Variants in TBX3 observed in about 807,000 individuals in gnomAD.
TBX3 encodes the protein T-box transcription factor 3.
TBX3 carries 11 observed loss-of-function variants against 47.8 expected under a neutral mutation model. That is an observed-to-expected ratio of 0.23 (90% CI 0.14 to 0.38). The LOEUF (loss-of-function observed/expected upper bound fraction) is 0.38, where lower values mean the gene tolerates loss of function less well. Among genes scored for constraint, TBX3 ranks in the 10% least tolerant of loss-of-function variants. The pLI is 1.00. For missense variants in TBX3, 927 were observed against 1,022.8 expected, an observed-to-expected ratio of 0.91 and a Z score of 1.28; for synonymous variants, 500 against 449.3, an observed-to-expected ratio of 1.11 and a Z score of -1.43.
chr12:114,679,064 TA>T (rs1334688343), intron 3 of TBX3, among the ~76,000 whole-genome samples: 3 of 152,160 alleles, frequency 2.0e-5, no homozygotes, highest in Admixed American at 1.3e-4. Context: ...GATTTCTGGC[TA>T]GGGGAGAAAA....
chr12:114,681,254 T>G (rs1342261966), intron 1 of TBX3, 108 bp from the exon 2 acceptor site: 1 of 1,444,286 alleles, frequency 6.9e-7, no homozygotes, highest in African/African-American at 1.4e-5. Context: ...AGACTTTATA[T>G]TGTGACTGAT....
At position 114,680,170 on chromosome 12, in the gene TBX3, C is replaced by G. The variant is rs544623021; in HGVS notation, c.658-519G>C. 8.0e-6 allele frequency: 5 copies of G among 621,508 alleles called. No homozygotes were observed. The East Asian group carries it at 1.1e-4, about 14-fold the overall frequency. The allele number at this position is 621,508 out of a possible 1,614,324, so 38.5% of individuals were successfully genotyped here. A position where few individuals can be genotyped will look rare whatever the true frequency, so the allele number is the denominator to read the frequency against. ...GATATTTCCGCGCCATTCGCGTCTTCCTGGGCCTAATCTTTCTGCTTACTC... is the reference window on the plus strand; with the variant it reads ...GATATTTCCGCGCCATTCGCGTCTTGCTGGGCCTAATCTTTCTGCTTACTC... On this transcript the variant is annotated intron_variant, in intron 2 of 6. Transcript: ENST00000349155.
chr12:114,670,614 G>A lies in TBX3; in HGVS notation c.*1227C>T, dbSNP rs2121370322. 4.5e-6 allele frequency: 1 copy of A among 220,622 alleles called. No individual in the cohort carries two copies. Among genetic ancestry groups the A allele is most frequent in the South Asian group, 1.9e-4 (1 of 5,382 alleles). The allele number at this position is 220,622 out of a possible 1,614,324, so 13.7% of individuals were successfully genotyped here. On this transcript the variant is annotated 3_prime_UTR_variant, in exon 7 of 7. Transcript: ENST00000349155. The stretch of plus-strand genomic sequence containing the variant: ...GGAATTTGAAGTGGAGCTGGAAAGT[G>A]GCACTCCTTCCCCAATTTTGGTGAA...
At position 114,682,984 on chromosome 12, in the gene TBX3, C is replaced by T. The variant is rs1266535166; in HGVS notation, c.217G>A (p.Glu73Lys). 3 of 1,613,980 alleles carry T rather than the reference C, an allele frequency of 1.9e-6. No individual in the cohort carries two copies. Among genetic ancestry groups the T allele is most frequent in the East Asian group, 2.2e-5 (1 of 44,876 alleles). ...AGGGAGGAGAACGGGATGCCGGTCT[C>T]GGCCGCCCCCACCAATTGATCCATG... ...PIMDQLVGAA[E>K]TGIPFSSLGP... The change falls in exon 1 of 7, where the codon GAG becomes AAG. Residue 73 changes from glutamate to lysine, a missense_variant. Glu to Lys is a moderately conservative substitution (Grantham distance 56). Transcript: ENST00000349155.
chr12:114,677,660 T>C lies in TBX3; in HGVS notation c.805-4A>G. ...TGTCTATTTTTAACTGGGTTATCTA[T>C]TGGAAGAGACACAAGCAAGACAGAG... On this transcript the variant is annotated splice_polypyrimidine_tract_variant and splice_region_variant and intron_variant, in intron 3 of 6. Transcript: ENST00000349155. The C allele has an allele frequency of 6.2e-7, 1 of 1,613,880 alleles. No individual in the cohort carries two copies.
At chr12:114,681,223 A>G (rs1868913137) in intron 1 of TBX3, 77 bp from the exon 2 acceptor site, 2 of 1,574,372 alleles carry the variant, frequency 1.3e-6, no homozygotes, top group South Asian at 2.3e-5. Context: ...TATGTATCAC[A>G]TAATATTGAA....
chr12:114,676,372 T>C lies in TBX3; in HGVS notation c.980A>G (p.Asn327Ser). Residue 327 changes from asparagine to serine, a missense_variant, in exon 5 of 7, where the codon AAC (asparagine) becomes AGC (serine). Around this residue, in one of 5 missense-constraint regions of TBX3, gnomAD observed 44 missense variants for 59.3 expected, o/e 0.74. Transcript: ENST00000349155. ...TGGAGAAGAAGCCTGGGCGAAGCAG[T>C]TGAAAGCTGCTTGTTCACTGGAGGA... ...DESSSEQAAF[N>S]CFAQASSPAA... is the part of the protein sequence containing the mutation. 1 of 1,614,228 alleles carries C rather than the reference T, an allele frequency of 6.2e-7. No individual in the cohort carries two copies. Among genetic ancestry groups the C allele is most frequent in the Non-Finnish European group, 8.5e-7 (1 of 1,180,034 alleles).
rs557089969 is a variant in TBX3, at chr12:114,679,529, A to C, written c.780T>G (p.Ala260=). The C allele has an allele frequency of 6.2e-7, 1 of 1,614,264 alleles. No individual in the cohort carries two copies. The highest frequency in any genetic ancestry group is 1.7e-5 in the Admixed American group (1 of 60,036). ...CCTTATCATTCTGGTATGCAGTCAC[A>C]GCGATGAATTCAGTTTCGGGGAACA... The part of the protein sequence containing the change: ...TYLFPETEFI[A]VTAYQNDKIT... Residue 260 remains alanine, a synonymous_variant, in exon 3 of 7, where the codon GCT becomes GCG. Coordinates refer to ENST00000349155, the MANE Select transcript of TBX3 (RefSeq NM_005996.4).
In TBX3 at chr12:114,670,768, G is replaced by A. The variant is rs1187362849; in HGVS notation, c.*1073C>T. On this transcript the variant is annotated 3_prime_UTR_variant, in exon 7 of 7. Coordinates refer to ENST00000349155, the MANE Select transcript of TBX3 (RefSeq NM_005996.4). Reference sequence around the variant, plus strand: ...GTTTTCTAGTGTTAACAGCAATTCTGTGACCTGGAAATAAACCCAACTAAA... The same window carrying A: ...GTTTTCTAGTGTTAACAGCAATTCTATGACCTGGAAATAAACCCAACTAAA... 1.4e-5 allele frequency: 3 copies of A among 213,446 alleles called. No individual in the cohort carries two copies. The East Asian group carries it at 2.1e-4, about 15-fold the overall frequency. 13.2% of individuals were successfully genotyped at this position (213,446 alleles called of 1,614,324 possible).
Position 114,679,813 on chromosome 12 carries a change from G to A in TBX3, c.658-162C>T, listed in dbSNP as rs994003995. On this transcript the variant is annotated intron_variant, in intron 2 of 6. Transcript: ENST00000349155. Reference sequence around the variant, plus strand: ...CCCCCTGGGTACGTTTCGCTCCACAGATGTTATCTTCTGGAGAATCCAAAT... The same window carrying A: ...CCCCCTGGGTACGTTTCGCTCCACAAATGTTATCTTCTGGAGAATCCAAAT... 1.9e-6 allele frequency: 3 copies of A among 1,538,906 alleles called. No individual in the cohort carries two copies. The African/African-American group carries it at 4.1e-5, about 21-fold the overall frequency.
Position 114,683,406 on chromosome 12 carries a change from A to G in TBX3, c.-206T>C. ...GGGGAAGTGTCTTTTGGAGAATGGG[A>G]GGCCGCTTTTAAAGAGGGCAAGGCG... On this transcript the variant is annotated 5_prime_UTR_variant, in exon 1 of 7. Coordinates refer to ENST00000349155, the MANE Select transcript of TBX3 (RefSeq NM_005996.4). This position sits in a 1 kb window ranked among gnomAD's most constrained non-coding sequence, Gnocchi z 7.7. 1 of 682,970 alleles carries G rather than the reference A, an allele frequency of 1.5e-6. No homozygotes were observed. Among genetic ancestry groups the G allele is most frequent in the African/African-American group, 1.8e-5 (1 of 55,328 alleles). 42.3% of individuals were successfully genotyped at this position (682,970 alleles called of 1,614,324 possible). A position where few individuals can be genotyped will look rare whatever the true frequency, so the allele number is the denominator to read the frequency against.
intron 3 of TBX3, among the ~76,000 whole-genome samples, chr12:114,679,038 C>T (rs1051615600): frequency 5.9e-5 from 9 of 152,116 alleles, no homozygotes; most frequent in African/African-American, 1.4e-4. Flanking sequence ...TAATAAAAAC[C>T]AGACCAGCTA....
Position 114,683,364 on chromosome 12 carries a change from G to A in TBX3, c.-164C>T, listed in dbSNP as rs1006696432. ...AAAGGAGGCAGAAATCACAACTAAT[G>A]CACTTCAAAGGGAGGAGGGGAAGTG... is the stretch of plus-strand genomic sequence containing the variant. On this transcript the variant is annotated 5_prime_UTR_variant, in exon 1 of 7. Coordinates refer to ENST00000349155, the MANE Select transcript of TBX3 (RefSeq NM_005996.4). This position sits in a 1 kb window ranked among gnomAD's most constrained non-coding sequence, Gnocchi z 7.7. 34 of 909,090 alleles carry A rather than the reference G, an allele frequency of 3.7e-5. No individual in the cohort carries two copies. The African/African-American group carries it at 5.5e-4, about 15-fold the overall frequency. The allele number at this position is 909,090 out of a possible 1,614,324, so 56.3% of individuals were successfully genotyped here.
chr12:114,676,600 A>C, intron 4 of TBX3, 130 bp from the exon 5 acceptor site: 1 of 1,260,358 alleles, frequency 7.9e-7, no homozygotes, highest in Non-Finnish European at 1.1e-6. Context: ...ACGCTAATTC[A>C]CTGAAATCTG....
In TBX3 at chr12:114,673,105, G is replaced by C. The variant is rs114888393; in HGVS notation, c.1711-803C>G. Among the ~76,000 whole-genome samples the C allele has an allele frequency of 6.1e-3, 925 of 152,336 alleles. 8 individuals are homozygous for C. Among genetic ancestry groups the C allele is most frequent in the African/African-American group, 0.021 (870 of 41,566 alleles). ...CATCATGCCTTGAGGTGCCCTTAAG[G>C]TTTTGTCTGTTCAGGTAGTCCTTGG... On this transcript the variant is annotated intron_variant, in intron 6 of 6. Coordinates refer to ENST00000349155, the MANE Select transcript of TBX3 (RefSeq NM_005996.4).
chr12:114,682,098 G>A (rs545076), intron 1 of TBX3, among the ~76,000 whole-genome samples: 73,271 of 151,944 alleles, frequency 0.48, 17,820 homozygotes, highest in Middle Eastern at 0.59. Context: ...GCAGGTTTTG[G>A]TCAGGCAAGG....
At chr12:114,679,984 G>T in intron 2 of TBX3, 1 of 1,614,018 alleles carries the variant, frequency 6.2e-7, no homozygotes. Context: ...TTAAAAGATA[G>T]AGAAAAACAT....
At position 114,671,564 on chromosome 12, in the gene TBX3, T is replaced by A; in HGVS notation, c.*277A>T. 1.8e-6 allele frequency: 1 copy of A among 544,392 alleles called. No homozygotes were observed. The highest frequency in any genetic ancestry group is 3.3e-6 in the Non-Finnish European group (1 of 302,964). The allele number at this position is 544,392 out of a possible 1,614,324, so 33.7% of individuals were successfully genotyped here. A position where few individuals can be genotyped will look rare whatever the true frequency, so the allele number is the denominator to read the frequency against. ...CCAGACCAGCCTTGCTGGAAGTTGC[T>A]CTGGACATAAATGTTGGAACTCCTA... On this transcript the variant is annotated 3_prime_UTR_variant, in exon 7 of 7. Transcript: ENST00000349155.
chr12:114,682,789 GGGA>G lies in TBX3; in HGVS notation c.389+20_389+22del, dbSNP rs777968393. The G allele has an allele frequency of 2.7e-5, 43 of 1,613,990 alleles. No individual in the cohort carries two copies. The highest frequency in any genetic ancestry group is 3.1e-5 in the Non-Finnish European group (37 of 1,180,026). ...AGGAAAAAACTCTCCAACAGCTTAGGGGAGGAGGCCCCCACTGCTTACCTTCCC... is the reference window on the plus strand; with the variant it reads ...AGGAAAAAACTCTCCAACAGCTTAGGGGAGGCCCCCACTGCTTACCTTCCC... On this transcript the variant is annotated intron_variant, in intron 1 of 6. Transcript: ENST00000349155.
Sources: gnomAD v4.1 joint callset for allele counts (sites outside exome capture counted in the v4.1 genomes callset) on GRCh38, gnomAD v4.1.1 for gene constraint, gnomAD v4.1.1 regional missense constraint, Gnocchi (gnomAD v3.1) non-coding constraint, MANE v1.5 for transcripts, NCBI Gene and HGNC (gene_info 2026-07-23, HGNC 2026-07-21) for gene names.